The following MYO7A variants were observed in gnomAD, a reference collection of about 807,000 sequenced individuals.
MYO7A encodes unconventional myosin-VIIa.
A neutral mutation model predicts 263.8 loss-of-function variants in MYO7A; 210 were observed. The observed-to-expected ratio is 0.80, with a 90% CI of 0.71 to 0.89. MYO7A has a LOEUF of 0.89. Among genes scored for constraint, MYO7A ranks in the 40% least tolerant of loss-of-function variants. The pLI, the probability that MYO7A is intolerant of heterozygous loss-of-function variation, is 0.00. For synonymous variants in MYO7A, 1,239 were observed against 1,197.3 expected, an observed-to-expected ratio of 1.03 and a Z score of -0.72; for missense variants, 2,820 against 2,968.3, an observed-to-expected ratio of 0.95 and a Z score of 1.16.
At chr11:77,142,598 T>G in intron 2 of MYO7A, 111 bp from the exon 3 acceptor site, 5 of 877,470 alleles carry the variant, frequency 5.7e-6, no homozygotes, top group Non-Finnish European at 9.3e-6. Flanking sequence ...TCTTCCCCCT[T>G]GTGTGGTTGG....
At chr11:77,142,229 G>A (rs533980334) in intron 2 of MYO7A, among the ~76,000 whole-genome samples, 12 of 152,344 alleles carry the variant, frequency 7.9e-5, no homozygotes, top group Admixed American at 2.6e-4. Flanking sequence ...TGCCCAGCAC[G>A]GAGTGGTGTC....
At position 77,151,779 on chromosome 11, in the gene MYO7A, A is replaced by C. The variant is rs554606851; in HGVS notation, c.285+3829A>C. Among the ~76,000 whole-genome samples, 4 of 152,370 alleles carry C rather than the reference A, an allele frequency of 2.6e-5. No homozygotes were observed. In the South Asian group the frequency reaches 8.3e-4, roughly 32 times the overall value. On this transcript the variant is annotated intron_variant, in intron 4 of 48. Coordinates refer to ENST00000409709, the MANE Select transcript of MYO7A (RefSeq NM_000260.4). ...ACCTTGGAGGACCGATGGGCACAGAAGCCCAGAGAGGGCCAGGGCCTCATT... is the reference window on the plus strand; with the variant it reads ...ACCTTGGAGGACCGATGGGCACAGACGCCCAGAGAGGGCCAGGGCCTCATT...
chr11:77,170,145 TG>T (rs1412544040), intron 15 of MYO7A, among the ~76,000 whole-genome samples: 1 of 152,066 alleles, frequency 6.6e-6, no homozygotes, highest in Non-Finnish European at 1.5e-5. Context: ...AGATGTAGTA[TG>T]GGGAAAGATT....
intron 15 of MYO7A, among the ~76,000 whole-genome samples, chr11:77,171,883 GACCCCAGTAGGGCAGGGA>G (rs1195214274): frequency 6.6e-6 from 1 of 152,204 alleles, no homozygotes; most frequent in Non-Finnish European, 1.5e-5. Context: ...TCTCAGAGGG[GACCCCAGTAGGGCAGGGA>G]GGCGCAGGGG....
At chr11:77,172,600 G>T in intron 15 of MYO7A, 148 bp from the exon 16 acceptor site, 1 of 1,028,462 alleles carries the variant, frequency 9.7e-7, no homozygotes, top group East Asian at 2.6e-5. Flanking sequence ...AAGGTGGGGA[G>T]AGGCAGTTTG....
rs963173377 is a variant in MYO7A, at chr11:77,199,722, A to G, written c.4756A>G (p.Asn1586Asp). The G allele has an allele frequency of 1.9e-6, 3 of 1,613,526 alleles. No homozygotes were observed. In the African/African-American group the frequency reaches 4.0e-5, roughly 22 times the overall value. The change falls in exon 35 of 49, where the codon AAT (asparagine) becomes GAT (aspartate). Residue 1586 changes from asparagine to aspartate, a missense_variant. Coordinates refer to ENST00000409709, the MANE Select transcript of MYO7A (RefSeq NM_000260.4). ...GGACGAATACACCTTCACCTCCAGC[A>G]ATGCTGAGGACATTCGTGACCTGGT... is the stretch of plus-strand genomic sequence containing the variant. Reference protein sequence around the residue: ...KGDEYTFTSSNAEDIRDLVVT... With the variant: ...KGDEYTFTSSDAEDIRDLVVT...
Position 77,192,185 on chromosome 11 carries a change from C to T in MYO7A, c.4059C>T (p.Pro1353=). 1 of 1,614,062 alleles carries T rather than the reference C, an allele frequency of 6.2e-7. No individual in the cohort carries two copies. Among genetic ancestry groups the T allele is most frequent in the Non-Finnish European group, 8.5e-7 (1 of 1,179,902 alleles). Residue 1353 remains proline, a synonymous_variant, in exon 31 of 49, where the codon CCC becomes CCT. Coordinates refer to ENST00000409709, the MANE Select transcript of MYO7A (RefSeq NM_000260.4). The stretch of plus-strand genomic sequence containing the variant: ...TCTTCCGCAAAGAGGTCTTCACGCC[C>T]TGGCACAGCCCCTCCGAGGACAACG... ...RLFFRKEVFT[P]WHSPSEDNVA... is the part of the protein sequence containing the mutation.
At chr11:77,174,534 CT>C (rs1954444732) in intron 16 of MYO7A, among the ~76,000 whole-genome samples, 1 of 152,230 alleles carries the variant, frequency 6.6e-6, no homozygotes, top group Admixed American at 6.5e-5. Flanking sequence ...ATTAATCTGT[CT>C]TCTCTGTGCT....
At chr11:77,193,618 G>T (rs1241559625) in intron 31 of MYO7A, among the ~76,000 whole-genome samples, 1 of 151,328 alleles carries the variant, frequency 6.6e-6, no homozygotes, top group Non-Finnish European at 1.5e-5. Context: ...CAAATATTCA[G>T]GCGGAGTGCA....
chr11:77,192,926 GTGT>G (rs1385337252), intron 31 of MYO7A, among the ~76,000 whole-genome samples: 4 of 3,732 alleles, frequency 1.1e-3, no homozygotes, highest in Admixed American at 2.8e-3. Context: ...GGTAGTGATG[GTGT>G]TGTTTGTGAT....
chr11:77,192,776 A>G (rs1328354391), intron 31 of MYO7A, among the ~76,000 whole-genome samples: 1 of 24,748 alleles, frequency 4.0e-5, no homozygotes, highest in Non-Finnish European at 8.4e-5. Context: ...GGTGGTGGAA[A>G]TGAAGAGGAT....
chr11:77,181,614 C>A (rs1272494594), intron 23 of MYO7A, 25 bp downstream of exon 23: 1 of 1,601,556 alleles, frequency 6.2e-7, no homozygotes, highest in African/African-American at 1.3e-5. Context: ...ACAGGGGCTC[C>A]AGAGGCCCAC....
At position 77,201,583 on chromosome 11, in the gene MYO7A, C is replaced by T. The variant is rs746931203; in HGVS notation, c.4988C>T (p.Pro1663Leu). ...NERTKQRGDF[P>L]TDSVYVMPTV... Reference sequence around the variant, plus strand: ...AGGACCAAGCAGCGTGGGGACTTCCCCACCGACAGTGTGTACGTCATGCCC... The same window carrying T: ...AGGACCAAGCAGCGTGGGGACTTCCTCACCGACAGTGTGTACGTCATGCCC... The change falls in exon 36 of 49, where the codon CCC becomes CTC. Residue 1663 changes from proline (P) to leucine (L), a missense_variant. Coordinates refer to ENST00000409709, the MANE Select transcript of MYO7A (RefSeq NM_000260.4). 8 of 1,613,768 alleles carry T rather than the reference C, an allele frequency of 5.0e-6. No individual in the cohort carries two copies. The highest frequency in any genetic ancestry group is 6.8e-6 in the Non-Finnish European group (8 of 1,179,878).
chr11:77,180,411 C>A lies in MYO7A; in HGVS notation c.2624C>A (p.Ala875Glu), dbSNP rs782016805. ...WRLEAEKMRL[A>E]EEEKLRKEMS... ...CTCGAGGCTGAGAAAATGCGGCTGG[C>A]GGAGGAAGAGAAGCTTCGGAAGGAG... Residue 875 changes from alanine to glutamate, a missense_variant, in exon 22 of 49, where the codon GCG (alanine) becomes GAG (glutamate). Coordinates refer to ENST00000409709, the MANE Select transcript of MYO7A (RefSeq NM_000260.4). 8.7e-6 allele frequency: 14 copies of A among 1,608,206 alleles called. No homozygotes were observed. The highest frequency in any genetic ancestry group is 8.0e-5 in the African/African-American group (6 of 74,742).
intron 4 of MYO7A, among the ~76,000 whole-genome samples, chr11:77,150,231 C>T (rs1555056466): frequency 6.6e-6 from 1 of 152,228 alleles, no homozygotes; most frequent in South Asian, 2.1e-4. Context: ...CCCCTGCAGA[C>T]CAGTGTCTCA....
rs182600850 is a variant in MYO7A, at chr11:77,160,871, T to C, written c.1201-102T>C. The C allele has an allele frequency of 6.4e-3, 8,953 of 1,388,288 alleles. 40 individuals carry two copies. Among genetic ancestry groups the C allele is most frequent in the Non-Finnish European group, 8.0e-3 (8,049 of 1,006,974 alleles). The allele number at this position is 1,388,288 out of a possible 1,614,324, so 86.0% of individuals were successfully genotyped here. ...GTTGGGGGTTTCACACGGCACTTTG[T>C]TCCACACAAGGGCTGGAGCGACACC... On this transcript the variant is annotated intron_variant, in intron 11 of 48. Coordinates refer to ENST00000409709, the MANE Select transcript of MYO7A (RefSeq NM_000260.4).
chr11:77,174,973 G>A (rs782291509), intron 17 of MYO7A, 59 bp downstream of exon 17: 513 of 1,588,140 alleles, frequency 3.2e-4, no homozygotes, highest in South Asian at 7.7e-4. Context: ...GCTGGGCAAG[G>A]GTCCCAATTT....
At chr11:77,144,468 C>A (rs571612361) in intron 3 of MYO7A, among the ~76,000 whole-genome samples, 1 of 152,278 alleles carries the variant, frequency 6.6e-6, no homozygotes, top group East Asian at 1.9e-4. Context: ...TCCACCCAGG[C>A]CCTGAGAGTG....
chr11:77,137,036 T>C lies in MYO7A; in HGVS notation c.19-5673T>C, dbSNP rs1591177672. On this transcript the variant is annotated intron_variant, in intron 2 of 48. Coordinates refer to ENST00000409709, the MANE Select transcript of MYO7A (RefSeq NM_000260.4). ...TTATATGAACTCGTGGTAGAATGCC[T>C]GGAAGCTCACCACCAGCACTTCCTT... Among the ~76,000 whole-genome samples the C allele has an allele frequency of 2.0e-5, 3 of 152,320 alleles. No homozygotes were observed. The South Asian group carries it at 6.2e-4, about 32-fold the overall frequency.
Sources: gnomAD v4.1 joint callset for allele counts (sites outside exome capture counted in the v4.1 genomes callset) on GRCh38, gnomAD v4.1.1 for gene constraint, MANE v1.5 for transcripts, NCBI Gene and HGNC (gene_info 2026-07-23, HGNC 2026-07-21) for gene names.